Variants in LDAH observed in about 807,000 individuals in gnomAD.
LDAH encodes the protein lipid droplet associated hydrolase, also known as lipid droplet-associated hydrolase.
A neutral mutation model predicts 29.6 loss-of-function variants in LDAH; 26 were observed. The ratio of observed to expected loss-of-function variants is 0.88; its 90% CI spans 0.64 to 1.22. The LOEUF is 1.22. Among genes scored for constraint, LDAH ranks in the 50% most tolerant of loss-of-function variants. The probability of loss-of-function intolerance (pLI) is 0.00; values close to 1 mark genes in which losing one functional copy is unlikely to be tolerated. For missense variants in LDAH, 344 were observed against 387.3 expected (o/e 0.89, Z 0.94); for synonymous variants, 117 against 133.0 (o/e 0.88, Z 0.83).
intron 3 of LDAH, among the ~76,000 whole-genome samples, chr2:20,785,972 G>A (rs932356240): frequency 2.0e-5 from 3 of 151,970 alleles, no homozygotes; most frequent in East Asian, 1.9e-4. Flanking sequence ...TTAAATTCCC[G>A]ATCTGATATT....
intron 2 of LDAH, among the ~76,000 whole-genome samples, chr2:20,795,386 C>T (rs142768793): frequency 2.0e-5 from 3 of 152,174 alleles, no homozygotes; most frequent in Non-Finnish European, 2.9e-5. Context: ...TGGACTCATT[C>T]ATGGAGCCTT....
chr2:20,717,836 G>T (rs1665333965), intron 5 of LDAH, among the ~76,000 whole-genome samples: 1 of 152,092 alleles, frequency 6.6e-6, no homozygotes, highest in Non-Finnish European at 1.5e-5. Context: ...ACCTAAGCTG[G>T]AGTGCAGTGG....
intron 5 of LDAH, among the ~76,000 whole-genome samples, chr2:20,728,091 T>C (rs2149413059): frequency 6.6e-6 from 1 of 152,282 alleles, no homozygotes; most frequent in East Asian, 1.9e-4. Flanking sequence ...ACAACAAAAA[T>C]GTGTGTATAA....
In LDAH at chr2:20,756,977, C is replaced by A. The variant is rs1016350079; in HGVS notation, c.469-16772G>T. Among the ~76,000 whole-genome samples, 4 of 152,186 alleles carry A rather than the reference C, an allele frequency of 2.6e-5. No individual in the cohort carries two copies. The East Asian group carries it at 7.7e-4, about 29-fold the overall frequency. On this transcript the variant is annotated intron_variant, in intron 4 of 6. Transcript: ENST00000237822. ...ATAGCAGAGCTGGAAGAACTTAAAG[C>A]TCAGCACCAGCTGCTAATGGTGTTG...
intron 4 of LDAH, among the ~76,000 whole-genome samples, chr2:20,773,921 C>T (rs972735951): frequency 1.3e-5 from 2 of 152,126 alleles, no homozygotes; most frequent in Non-Finnish European, 2.9e-5. Context: ...TGCTCCCACA[C>T]CCCCTGAACT....
chr2:20,724,780 A>G (rs1665898401), intron 5 of LDAH, among the ~76,000 whole-genome samples: 1 of 152,252 alleles, frequency 6.6e-6, no homozygotes, highest in Admixed American at 6.5e-5. Flanking sequence ...ATGCATAAAT[A>G]GTTTTCTAAA....
chr2:20,810,834 G>A (rs773029115), intron 1 of LDAH, among the ~76,000 whole-genome samples: 1 of 152,102 alleles, frequency 6.6e-6, no homozygotes, highest in Non-Finnish European at 1.5e-5. Flanking sequence ...TCACAGGAAC[G>A]CAAACCCTAT....
At chr2:20,760,013 T>C (rs1219604474) in intron 4 of LDAH, among the ~76,000 whole-genome samples, 1 of 152,216 alleles carries the variant, frequency 6.6e-6, no homozygotes, top group Non-Finnish European at 1.5e-5. Flanking sequence ...TGAATGATGC[T>C]AATGAATCCC....
chr2:20,714,633 A>T (rs1665023825), intron 5 of LDAH, among the ~76,000 whole-genome samples: 1 of 152,258 alleles, frequency 6.6e-6, no homozygotes, highest in African/African-American at 2.4e-5. Flanking sequence ...ATAGACTGCT[A>T]GCAAGACTAA....
intron 5 of LDAH, among the ~76,000 whole-genome samples, chr2:20,725,113 A>G (rs1469423061): frequency 6.6e-6 from 1 of 152,206 alleles, no homozygotes; most frequent in Non-Finnish European, 1.5e-5. Context: ...CAGATTCTAC[A>G]TGTCCAAAAT....
intron 1 of LDAH, among the ~76,000 whole-genome samples, chr2:20,802,001 T>C (rs1224043632): frequency 6.6e-6 from 1 of 151,630 alleles, no homozygotes; most frequent in Non-Finnish European, 1.5e-5. Flanking sequence ...TGTGTATATA[T>C]ATGTATATAT....
At chr2:20,767,892 A>T (rs1358209279) in intron 4 of LDAH, among the ~76,000 whole-genome samples, 1 of 152,090 alleles carries the variant, frequency 6.6e-6, no homozygotes, top group East Asian at 1.9e-4. Flanking sequence ...ATCCAGACAA[A>T]GGGATGACTT....
Position 20,688,738 on chromosome 2 carries a change from A to G in LDAH, c.787-1644T>C, listed in dbSNP as rs148479482. Among the ~76,000 whole-genome samples the G allele has an allele frequency of 2.1e-3, 315 of 152,254 alleles. 2 individuals are homozygous for G. The highest frequency in any genetic ancestry group is 3.5e-3 in the Non-Finnish European group (239 of 68,006). On this transcript the variant is annotated intron_variant, in intron 6 of 6. Transcript: ENST00000237822. ...GTTAGTTAAAAACACTTTATAGAGG[A>G]AAAAATTTAACATAGTACTCCAGAG...
At position 20,687,100 on chromosome 2, in the gene LDAH, A is replaced by G. The variant is rs760881232; in HGVS notation, c.787-6T>C. On this transcript the variant is annotated splice_polypyrimidine_tract_variant and splice_region_variant and intron_variant, in intron 6 of 6. Coordinates refer to ENST00000237822, the MANE Select transcript of LDAH (RefSeq NM_021925.4). Reference sequence around the variant, plus strand: ...GTACCATAATAAAATGTAAGCTGAAAGACAAGACAAAAACCTTTTATTAGA... The same window carrying G: ...GTACCATAATAAAATGTAAGCTGAAGGACAAGACAAAAACCTTTTATTAGA... The G allele has an allele frequency of 1.3e-6, 2 of 1,599,858 alleles. No individual in the cohort carries two copies. The highest frequency in any genetic ancestry group is 3.5e-5 in the Admixed American group (2 of 57,278).
chr2:20,796,869 G>GA (rs1470114931), intron 2 of LDAH, among the ~76,000 whole-genome samples: 1 of 152,136 alleles, frequency 6.6e-6, no homozygotes, highest in African/African-American at 2.4e-5. Flanking sequence ...ACTCTCAACA[G>GA]AAAAAACAGT....
At chr2:20,707,090 C>G (rs1664362708) in intron 5 of LDAH, among the ~76,000 whole-genome samples, 1 of 152,150 alleles carries the variant, frequency 6.6e-6, no homozygotes, top group African/African-American at 2.4e-5. Flanking sequence ...CCATACCCAC[C>G]AACCACCTCC....
intron 5 of LDAH, among the ~76,000 whole-genome samples, chr2:20,720,803 T>C (rs1389953753): frequency 3.3e-5 from 5 of 152,098 alleles, no homozygotes; most frequent in Non-Finnish European, 5.9e-5. Context: ...ACCAATGGAA[T>C]GTAATAGAGA....
chr2:20,782,672 C>G (rs1670275797), intron 3 of LDAH, among the ~76,000 whole-genome samples: 1 of 152,120 alleles, frequency 6.6e-6, no homozygotes, highest in Non-Finnish European at 1.5e-5. Flanking sequence ...AATGAATCTT[C>G]TTTTCTTTCT....
chr2:20,701,466 C>T (rs1201745503), intron 6 of LDAH, 104 bp downstream of exon 6: 1 of 914,676 alleles, frequency 1.1e-6, no homozygotes, highest in Non-Finnish European at 1.7e-6. Context: ...TGTCATTCTA[C>T]CAACCCTTAA....
Sources: allele counts gnomAD v4.1 joint callset (sites outside exome capture counted in the v4.1 genomes callset), GRCh38; gene constraint gnomAD v4.1.1; transcripts MANE v1.5; gene names NCBI Gene and HGNC (gene_info 2026-07-23, HGNC 2026-07-21).